Variants in DIAPH2 observed in about 807,000 individuals in gnomAD.
DIAPH2 encodes diaphanous related formin 2, also known as protein diaphanous homolog 2.
Under a neutral mutation model 92.7 loss-of-function variants are expected in DIAPH2, and 35 were observed. That is an observed-to-expected ratio of 0.38 (90% CI 0.29 to 0.50). The LOEUF (loss-of-function observed/expected upper bound fraction) is 0.50. Among genes scored for constraint, DIAPH2 ranks in the 20% least tolerant of loss-of-function variants. The pLI is 0.94. For synonymous variants in DIAPH2, 301 were observed against 280.4 expected, an observed-to-expected ratio of 1.07 and a Z score of -0.73; for missense variants, 701 against 819.5, an observed-to-expected ratio of 0.86 and a Z score of 1.77.
chrX:97,292,482 A>G (rs1346359782), intron 23 of DIAPH2, among the ~76,000 whole-genome samples: 1 of 111,394 alleles, frequency 9.0e-6, no homozygotes, highest in African/African-American at 3.3e-5. Context: ...GATGTTAAAA[A>G]TTATGTTACA....
chrX:97,456,569 C>T (rs2070407832), intron 26 of DIAPH2, among the ~76,000 whole-genome samples: 1 of 111,028 alleles, frequency 9.0e-6, no homozygotes, highest in African/African-American at 3.3e-5. Flanking sequence ...GCACTAATAC[C>T]CATTGATGAG....
intron 26 of DIAPH2, among the ~76,000 whole-genome samples, chrX:97,538,204 T>C (rs1023094973): frequency 9.0e-6 from 1 of 111,696 alleles, no homozygotes; most frequent in Non-Finnish European, 1.9e-5. Context: ...TCTTGACATA[T>C]AGAAACTGTG....
intron 26 of DIAPH2, among the ~76,000 whole-genome samples, chrX:97,583,387 C>G (rs1484703606): frequency 9.2e-6 from 1 of 109,253 alleles, no homozygotes; most frequent in Non-Finnish European, 1.9e-5. Flanking sequence ...AGTTTTCCTT[C>G]TAACAGACAG....
chrX:97,278,858 T>C (rs187142506), intron 23 of DIAPH2, among the ~76,000 whole-genome samples: 13 of 112,303 alleles, frequency 1.2e-4, no homozygotes, highest in African/African-American at 3.9e-4. Context: ...TCCAACAGCA[T>C]GTGTGTAGAA....
chrX:97,544,612 A>G (rs1200466494), intron 26 of DIAPH2, among the ~76,000 whole-genome samples: 1 of 111,765 alleles, frequency 8.9e-6, no homozygotes. Flanking sequence ...AACTTAGGCC[A>G]GGTCATTTTT....
intron 26 of DIAPH2, among the ~76,000 whole-genome samples, chrX:97,572,401 T>C (rs1014381416): frequency 2.7e-5 from 3 of 111,594 alleles, no homozygotes; most frequent in African/African-American, 9.8e-5. Flanking sequence ...ATACCCATAA[T>C]GTTGGAGCTG....
chrX:97,414,003 A>T (rs2069910494), intron 25 of DIAPH2, among the ~76,000 whole-genome samples: 1 of 112,199 alleles, frequency 8.9e-6, no homozygotes, highest in South Asian at 3.7e-4. Flanking sequence ...ATTCAGTGCC[A>T]TCCCCATCAA....
At chrX:97,593,047 T>C (rs2071527849) in intron 26 of DIAPH2, among the ~76,000 whole-genome samples, 1 of 112,105 alleles carries the variant, frequency 8.9e-6, no homozygotes, top group Non-Finnish European at 1.9e-5. Context: ...AGGTAATCGA[T>C]TGGCTTCTAG....
intron 26 of DIAPH2, among the ~76,000 whole-genome samples, chrX:97,593,484 A>T (rs2071530428): frequency 1.8e-5 from 2 of 111,335 alleles, no homozygotes; most frequent in Non-Finnish European, 1.9e-5. Flanking sequence ...CATGTAAAAA[A>T]AAAAAACAAG....
rs780986568 is a variant in DIAPH2, at chrX:97,196,767, G to C, written c.2720-50948G>C. Among the ~76,000 whole-genome samples the C allele has an allele frequency of 1.5e-3, 165 of 110,001 alleles. 3 individuals are homozygous for C. The highest frequency in any genetic ancestry group is 4.8e-3 in the Middle Eastern group (1 of 208). Reference sequence around the variant, plus strand: ...CGTTTGGAAAATGTAAATGAAAAAGGGTTTTTATTTCTTTTTTTTCGGTTT... The same window carrying C: ...CGTTTGGAAAATGTAAATGAAAAAGCGTTTTTATTTCTTTTTTTTCGGTTT... On this transcript the variant is annotated intron_variant, in intron 22 of 26. Transcript: ENST00000324765.
At chrX:96,979,187 C>T (rs926990418) in intron 17 of DIAPH2, among the ~76,000 whole-genome samples, 25 of 112,249 alleles carry the variant, frequency 2.2e-4, no homozygotes, top group African/African-American at 5.8e-4. Context: ...ATGCAGGAAA[C>T]ATTTGGGAGT....
At position 97,065,657 on chromosome X, in the gene DIAPH2, G is replaced by C. The variant is rs770596026; in HGVS notation, c.2051-7284G>C. On this transcript the variant is annotated intron_variant, in intron 17 of 26. Transcript: ENST00000324765. ...TACCGTATTTTTCATTGTTATTTTA[G>C]AGTGTACTCTTGTTAAAAAAAAAAA... 6.3e-5 allele frequency among the ~76,000 whole-genome samples: 7 copies of C among 110,258 alleles called. No individual in the cohort carries two copies. The South Asian group carries it at 1.5e-3, about 24-fold the overall frequency.
intron 1 of DIAPH2, among the ~76,000 whole-genome samples, chrX:96,721,110 A>T (rs547857221): frequency 9.0e-6 from 1 of 111,495 alleles, no homozygotes; most frequent in South Asian, 3.8e-4. Flanking sequence ...GAAATCATCA[A>T]GTACCTGAGG....
At chrX:97,097,186 C>T (rs594294) in intron 19 of DIAPH2, among the ~76,000 whole-genome samples, 3 of 111,098 alleles carry the variant, frequency 2.7e-5, no homozygotes, top group African/African-American at 9.9e-5. Flanking sequence ...TTGTCTACAA[C>T]GTTTAGTATG....
intron 23 of DIAPH2, among the ~76,000 whole-genome samples, chrX:97,261,360 A>G (rs1175580671): frequency 8.9e-6 from 1 of 111,855 alleles, no homozygotes; most frequent in Non-Finnish European, 1.9e-5. Flanking sequence ...TTTATATGTC[A>G]TTGTTTATGT....
intron 1 of DIAPH2, among the ~76,000 whole-genome samples, chrX:96,727,787 C>T (rs1390632065): frequency 9.0e-6 from 1 of 111,325 alleles, no homozygotes; most frequent in African/African-American, 3.3e-5. Context: ...TAGAAGACAA[C>T]CTGTAATCCC....
chrX:96,829,874 A>G lies in DIAPH2; in HGVS notation c.448-51705A>G, dbSNP rs1325980084. Among the ~76,000 whole-genome samples the G allele has an allele frequency of 4.7e-5, 5 of 107,397 alleles. No individual in the cohort carries two copies. In the East Asian group the frequency reaches 1.6e-3, roughly 33 times the overall value. The allele number at this position is 107,397 out of a possible 115,157, so 93.3% of individuals were successfully genotyped here. A position where few individuals can be genotyped will look rare whatever the true frequency, so the allele number is the denominator to read the frequency against. On this transcript the variant is annotated intron_variant, in intron 4 of 26. Transcript: ENST00000324765. ...TCAATGACATACCAATATAATTTCA[A>G]CAGAATTTTTCTTTTTCTTTTTTTT...
intron 17 of DIAPH2, among the ~76,000 whole-genome samples, chrX:96,988,547 T>A (rs2066047598): frequency 9.0e-6 from 1 of 110,596 alleles, no homozygotes; most frequent in Non-Finnish European, 1.9e-5. Context: ...AAGAGGATAG[T>A]GTTGACAGAA....
chrX:97,021,310 C>T (rs1293884332), intron 17 of DIAPH2, among the ~76,000 whole-genome samples: 1 of 111,695 alleles, frequency 9.0e-6, no homozygotes, highest in Non-Finnish European at 1.9e-5. Context: ...GTGATCCTCG[C>T]ACCTCAGTCT....
Sources: gnomAD v4.1 joint callset for allele counts (sites outside exome capture counted in the v4.1 genomes callset) on GRCh38, gnomAD v4.1.1 for gene constraint, MANE v1.5 for transcripts, NCBI Gene and HGNC (gene_info 2026-07-23, HGNC 2026-07-21) for gene names.